BMP4: variants seen among roughly 807,000 people sequenced by gnomAD.
BMP4 encodes bone morphogenetic protein 4, also known as bone morphogenetic protein 2B.
In BMP4, 3 loss-of-function variants were observed where a neutral mutation model predicts 29.6. The ratio of observed to expected loss-of-function variants is 0.10; its 90% CI spans 0.05 to 0.26. The LOEUF (loss-of-function observed/expected upper bound fraction) is 0.26. Among genes scored for constraint, BMP4 ranks in the 10% least tolerant of loss-of-function variants. The pLI, the probability that BMP4 is intolerant of heterozygous loss-of-function variation, is 1.00. For missense variants in BMP4, 455 were observed against 550.2 expected, an observed-to-expected ratio of 0.83 and a Z score of 1.73; for synonymous variants, 197 against 213.2, an observed-to-expected ratio of 0.92 and a Z score of 0.66.
chr14:53,952,793 A>C (rs901101160), intron 2 of BMP4, among the ~76,000 whole-genome samples: 4 of 152,146 alleles, frequency 2.6e-5, no homozygotes, highest in Non-Finnish European at 4.4e-5. Flanking sequence ...CTGGGAGCTA[A>C]CCGGGTGGCT....
chr14:53,953,935 CCA>C (rs201945363), intron 1 of BMP4, among the ~76,000 whole-genome samples: 1 of 151,462 alleles, frequency 6.6e-6, no homozygotes, highest in Non-Finnish European at 1.5e-5. Flanking sequence ...ACACACCCCC[CCA>C]CACACACACA....
rs1895269405 is a variant in BMP4, at chr14:53,949,778, T to A, written c.*254A>T. On this transcript the variant is annotated 3_prime_UTR_variant, in exon 4 of 4. Coordinates refer to ENST00000245451, the MANE Select transcript of BMP4 (RefSeq NM_001202.6). ...GACTCATTTTATTTTTTTCTTTTAA[T>A]ACGTAGTTATAAATATATTTTGTCA... 2.5e-6 allele frequency: 1 copy of A among 408,030 alleles called. No individual in the cohort carries two copies. Among genetic ancestry groups the A allele is most frequent in the Non-Finnish European group, 4.3e-6 (1 of 230,330 alleles). The allele number at this position is 408,030 out of a possible 1,614,324, so 25.3% of individuals were successfully genotyped here.
chr14:53,953,324 A>G lies in BMP4; in HGVS notation c.-56T>C. ...AACAGTCCATGATTCTTGACAGCCA[A>G]TCTTGAACAAACTTGCTGGAAAGGC... is the stretch of plus-strand genomic sequence containing the variant. On this transcript the variant is annotated 5_prime_UTR_variant, in exon 2 of 4. Transcript: ENST00000245451. 3 of 399,214 alleles carry G rather than the reference A, an allele frequency of 7.5e-6. No homozygotes were observed. The highest frequency in any genetic ancestry group is 1.3e-5 in the Non-Finnish European group (3 of 226,110). The allele number at this position is 399,214 out of a possible 1,614,324, so 24.7% of individuals were successfully genotyped here. A position where few individuals can be genotyped will look rare whatever the true frequency, so the allele number is the denominator to read the frequency against.
chr14:53,953,901 G>A (rs1192542046), intron 1 of BMP4, among the ~76,000 whole-genome samples: 2 of 149,076 alleles, frequency 1.3e-5, no homozygotes, highest in African/African-American at 4.9e-5. Context: ...AGCGCAGAGG[G>A]ACCCTGCCCA....
rs1280503862 is a variant in BMP4 at position 53,955,365 on chromosome 14, G to C, written c.-133+1185C>G. ...TCTAAAACCGAGAGGATAGGAAGGG[G>C]AAGGGGGAGTTGTGTTTCAATTTCG... On this transcript the variant is annotated intron_variant, in intron 1 of 3. Transcript: ENST00000245451. The surrounding 1 kb of genome is among the most constrained non-coding windows in gnomAD (Gnocchi z 4.0). 1 of 152,242 alleles carries C rather than the reference G, an allele frequency of 6.6e-6. No individual in the cohort carries two copies. Among genetic ancestry groups the C allele is most frequent in the Non-Finnish European group, 1.5e-5 (1 of 68,052 alleles). The allele number at this position is 152,242 out of a possible 1,614,324, so 9.4% of individuals were successfully genotyped here.
Position 53,952,061 on chromosome 14 carries a change from C to T in BMP4, c.162G>A (p.Leu54=), listed in dbSNP as rs1206246054. The T allele has an allele frequency of 1.9e-6, 3 of 1,614,220 alleles. No homozygotes were observed. Among genetic ancestry groups the T allele is most frequent in the South Asian group, 1.1e-5 (1 of 91,088 alleles). The change falls in exon 3 of 4, where the codon CTG becomes CTA. Residue 54 remains leucine, a synonymous_variant. Transcript: ENST00000245451. ...GRRSGQSHEL[L]RDFEATLLQM... is the part of the protein sequence containing the mutation. ...GCAGAAGTGTCGCCTCGAAGTCCCG[C>T]AGGAGCTCATGGCTCTGCCCTGAGC... is the stretch of plus-strand genomic sequence containing the variant.
chr14:53,952,200 A>G lies in BMP4; in HGVS notation c.23T>C (p.Leu8Pro). 6.2e-7 allele frequency: 1 copy of G among 1,614,160 alleles called. No homozygotes were observed. The highest frequency in any genetic ancestry group is 8.5e-7 in the Non-Finnish European group (1 of 1,180,020). The change falls in exon 3 of 4, where the codon CTG becomes CCG. Residue 8 changes from leucine to proline, a missense_variant. Leu to Pro is a moderately conservative substitution (Grantham distance 98). Coordinates refer to ENST00000245451, the MANE Select transcript of BMP4 (RefSeq NM_001202.6). ...GACTTGGCATAATAAAACGACCATC[A>G]GCATTCGGTTACCAGGAATCATGGT... MIPGNRM[L>P]MVVLLCQVLL...
In BMP4 at chr14:53,954,395, G is replaced by A. The variant is rs1309344362; in HGVS notation, c.-132-995C>T. On this transcript the variant is annotated intron_variant, in intron 1 of 3. Transcript: ENST00000245451. The surrounding 1 kb of genome is among the most constrained non-coding windows in gnomAD (Gnocchi z 4.8). ...ATGTGGCCGAGGTTTTACAACTCCCGACCCGGCGCAGAAAGGAAATCCCAC... is the reference window on the plus strand; with the variant it reads ...ATGTGGCCGAGGTTTTACAACTCCCAACCCGGCGCAGAAAGGAAATCCCAC... 1 of 152,096 alleles carries A rather than the reference G, an allele frequency of 6.6e-6. No homozygotes were observed. Among genetic ancestry groups the A allele is most frequent in the African/African-American group, 2.4e-5 (1 of 41,414 alleles). The allele number at this position is 152,096 out of a possible 1,614,324, so 9.4% of individuals were successfully genotyped here.
intron 2 of BMP4, among the ~76,000 whole-genome samples, chr14:53,952,820 T>G (rs1005384858): frequency 6.6e-6 from 1 of 152,112 alleles, no homozygotes; most frequent in African/African-American, 2.4e-5. Context: ...CTTATTTTAT[T>G]GTGGCCGATG....
rs1045115021 is a variant in BMP4, at chr14:53,954,679, C to G, written c.-132-1279G>C. The G allele has an allele frequency of 6.6e-6, 1 of 152,162 alleles. No individual in the cohort carries two copies. The highest frequency in any genetic ancestry group is 1.5e-5 in the Non-Finnish European group (1 of 68,070). 9.4% of individuals were successfully genotyped at this position (152,162 alleles called of 1,614,324 possible). ...CTGACTAATCGAAGATGCTGCCGCG[C>G]GCGTGGGTCGCTCTGCGCAAGGGCC... On this transcript the variant is annotated intron_variant, in intron 1 of 3. Coordinates refer to ENST00000245451, the MANE Select transcript of BMP4 (RefSeq NM_001202.6). The surrounding 1 kb of genome is among the most constrained non-coding windows in gnomAD (Gnocchi z 4.8).
At position 53,950,783 on chromosome 14, in the gene BMP4, C is replaced by T. The variant is rs777406477; in HGVS notation, c.476G>A (p.Arg159Gln). 2.5e-5 allele frequency: 40 copies of T among 1,613,380 alleles called. No homozygotes were observed. The highest frequency in any genetic ancestry group is 2.9e-5 in the Non-Finnish European group (34 of 1,179,982). ...ENEVISSAELRLFREQVDQGP... is the reference protein window; with the variant it reads ...ENEVISSAELQLFREQVDQGP... ...CTGGTCCACCTGCTCCCGGAAGAGC[C>T]GAAGCTCTGCAGAGGAGATCACCTC... The change falls in exon 4 of 4, where the codon CGG becomes CAG. Residue 159 changes from arginine to glutamine, a missense_variant. Coordinates refer to ENST00000245451, the MANE Select transcript of BMP4 (RefSeq NM_001202.6). The surrounding 1 kb of genome is among the most constrained non-coding windows in gnomAD (Gnocchi z 5.4).
chr14:53,951,633 T>C (rs1895416218), intron 3 of BMP4: 3 of 679,714 alleles, frequency 4.4e-6, no homozygotes, highest in Non-Finnish European at 7.3e-6. Context: ...AGCCCACGTC[T>C]GAGTGCTGTC....
Position 53,950,585 on chromosome 14 carries a change from G to C in BMP4, c.674C>G (p.Thr225Ser). ...CCCATAGTTTGGCTGCTTCTCCCGG[G>C]TCCAGCGAAGGACCGCAGGGCTCAC... The part of the protein sequence containing the change: ...FDVSPAVLRW[T>S]REKQPNYGLA... Residue 225 changes from threonine to serine, a missense_variant, in exon 4 of 4, where the codon ACC (threonine) becomes AGC (serine). Physicochemically the swap from Thr to Ser is moderately conservative, Grantham distance 58. Transcript: ENST00000245451. This position sits in a 1 kb window ranked among gnomAD's most constrained non-coding sequence, Gnocchi z 5.4. 6.2e-7 allele frequency: 1 copy of C among 1,614,264 alleles called. No individual in the cohort carries two copies. The highest frequency in any genetic ancestry group is 8.5e-7 in the Non-Finnish European group (1 of 1,180,048).
rs745803587 is a variant in BMP4, at chr14:53,950,334, G to A, written c.925C>T (p.Arg309Trp). 23 of 1,614,032 alleles carry A rather than the reference G, an allele frequency of 1.4e-5. No individual in the cohort carries two copies. The highest frequency in any genetic ancestry group is 1.3e-4 in the East Asian group (6 of 44,894). The change falls in exon 4 of 4, where the codon CGG becomes TGG. Residue 309 changes from arginine (R) to tryptophan (W), a missense_variant. Arg to Trp is a moderately radical substitution (Grantham distance 101). This residue lies in a region of BMP4 where 154 missense variants were observed against 156.8 expected (regional missense o/e 0.98). Transcript: ENST00000245451. This position sits in a 1 kb window ranked among gnomAD's most constrained non-coding sequence, Gnocchi z 5.4. The part of the protein sequence containing the change: ...QRARKKNKNC[R>W]RHSLYVDFSD... ...AAGTCCACATAGAGCGAGTGGCGCCGGCAGTTCTTATTCTTCTTCCTGGCC... is the reference window on the plus strand; with the variant it reads ...AAGTCCACATAGAGCGAGTGGCGCCAGCAGTTCTTATTCTTCTTCCTGGCC...
Position 53,949,955 on chromosome 14 carries a change from T to TG in BMP4, c.*76dup. The stretch of plus-strand genomic sequence containing the variant: ...TCTGTGTAGTGTGTGGGTGAGTGGA[T>TG]GGGAACGTGTGTGTGTGGTGTATGT... On this transcript the variant is annotated 3_prime_UTR_variant, in exon 4 of 4. Transcript: ENST00000245451. 6.6e-7 allele frequency: 1 copy of TG among 1,511,772 alleles called. No homozygotes were observed. The highest frequency in any genetic ancestry group is 9.1e-7 in the Non-Finnish European group (1 of 1,101,500). 93.6% of individuals were successfully genotyped at this position (1,511,772 alleles called of 1,614,324 possible).
At chr14:53,953,250 G>A in intron 2 of BMP4, 26 bp downstream of exon 2, 1 of 397,526 alleles carries the variant, frequency 2.5e-6, no homozygotes, top group Non-Finnish European at 4.4e-6. Context: ...ATTCCGGGGA[G>A]GGGGAAGGAA....
At position 53,949,917 on chromosome 14, in the gene BMP4, T is replaced by C. The variant is rs1385822230; in HGVS notation, c.*115A>G. ...TTTTTTTTTTAAATAAAAGTCCAGC[T>C]ATAAGGAAGCAGTCTGTGTAGTGTG... On this transcript the variant is annotated 3_prime_UTR_variant, in exon 4 of 4. Transcript: ENST00000245451. The C allele has an allele frequency of 6.1e-6, 6 of 986,866 alleles. No individual in the cohort carries two copies. Among genetic ancestry groups the C allele is most frequent in the Non-Finnish European group, 8.7e-6 (6 of 689,980 alleles). 61.1% of individuals were successfully genotyped at this position (986,866 alleles called of 1,614,324 possible).
Position 53,950,011 on chromosome 14 carries a change from A to G in BMP4, c.*21T>C. ...GTGTGTGTGGTGTGTATATCTGTCT[A>G]TCCTCAAGGACTGCCTGATCTCAGC... is the stretch of plus-strand genomic sequence containing the variant. On this transcript the variant is annotated 3_prime_UTR_variant, in exon 4 of 4. Coordinates refer to ENST00000245451, the MANE Select transcript of BMP4 (RefSeq NM_001202.6). The surrounding 1 kb of genome is among the most constrained non-coding windows in gnomAD (Gnocchi z 5.4). 2 of 1,611,998 alleles carry G rather than the reference A, an allele frequency of 1.2e-6. No homozygotes were observed. The highest frequency in any genetic ancestry group is 1.7e-6 in the Non-Finnish European group (2 of 1,179,730).
intron 3 of BMP4, chr14:53,951,624 G>A: frequency 3.2e-6 from 2 of 634,606 alleles, no homozygotes; most frequent in Non-Finnish European, 5.3e-6. Context: ...GCTGGGGCTA[G>A]CCCACGTCTG....
Sources: allele counts gnomAD v4.1 joint callset (sites outside exome capture counted in the v4.1 genomes callset), GRCh38; gene constraint gnomAD v4.1.1; regional missense constraint gnomAD v4.1.1; non-coding constraint Gnocchi (gnomAD v3.1); transcripts MANE v1.5; gene names NCBI Gene and HGNC (gene_info 2026-07-23, HGNC 2026-07-21).